The following PHAX variants were observed in gnomAD, a reference collection of about 807,000 sequenced individuals.
The protein encoded by PHAX is phosphorylated adaptor for RNA export, also known as phosphorylated adapter RNA export protein.
Under a neutral mutation model 41.6 loss-of-function variants are expected in PHAX, and 31 were observed. The ratio of observed to expected loss-of-function variants is 0.75; its 90% CI spans 0.56 to 1.01. The LOEUF (loss-of-function observed/expected upper bound fraction) is 1.01, where lower values mean the gene tolerates loss of function less well. PHAX is among the 50% of genes least tolerant of loss of function. The pLI is 0.00. For missense variants in PHAX, 453 were observed against 472.9 expected, an observed-to-expected ratio of 0.96 and a Z score of 0.39; for synonymous variants, 175 against 164.9, an observed-to-expected ratio of 1.06 and a Z score of -0.47.
chr5:126,603,016 A>T lies in PHAX; in HGVS notation c.97-554A>T, dbSNP rs1420421610. Among the ~76,000 whole-genome samples, 12 of 151,208 alleles carry T rather than the reference A, an allele frequency of 7.9e-5. No individual in the cohort carries two copies. The East Asian group carries it at 2.1e-3, about 27-fold the overall frequency. ...CAAGACTCCCATCTCAAGAAAAAAA[A>T]AAAAAATACATGCCCAGCCTGGGCA... On this transcript the variant is annotated intron_variant, in intron 1 of 4. Transcript: ENST00000297540.
chr5:126,619,406 C>T (rs546097460), intron 4 of PHAX, among the ~76,000 whole-genome samples: 20 of 151,908 alleles, frequency 1.3e-4, no homozygotes, highest in Admixed American at 2.6e-4. Flanking sequence ...GGTGAAACCC[C>T]GACCCTACTC....
At chr5:126,621,255 C>T (rs375044647) in intron 4 of PHAX, among the ~76,000 whole-genome samples, 17 of 152,154 alleles carry the variant, frequency 1.1e-4, no homozygotes, top group African/African-American at 3.6e-4. Context: ...ATGGCACTAT[C>T]GTAGCTCACT....
Position 126,626,577 on chromosome 5 carries a change from A to T in PHAX, c.*1733A>T, listed in dbSNP as rs1018754067. 5 of 152,160 alleles carry T rather than the reference A, an allele frequency of 3.3e-5. No homozygotes were observed. Among genetic ancestry groups the T allele is most frequent in the African/African-American group, 1.2e-4 (5 of 41,396 alleles). The allele number at this position is 152,160 out of a possible 1,614,324, so 9.4% of individuals were successfully genotyped here. On this transcript the variant is annotated 3_prime_UTR_variant, in exon 5 of 5. Coordinates refer to ENST00000297540, the MANE Select transcript of PHAX (RefSeq NM_032177.4). ...CATGGTGAAACCCTGTCTCTATTAA[A>T]AATACAAAAATTAGCTGGGCGTGGT... is the stretch of plus-strand genomic sequence containing the variant.
chr5:126,623,484 A>T (rs1186956539), intron 4 of PHAX, among the ~76,000 whole-genome samples: 1 of 152,202 alleles, frequency 6.6e-6, no homozygotes, highest in Non-Finnish European at 1.5e-5. Flanking sequence ...CCTGGTACGT[A>T]AAAGTACTCA....
chr5:126,604,210 C>G, intron 2 of PHAX, 27 bp downstream of exon 2: 1 of 1,502,072 alleles, frequency 6.7e-7, no homozygotes. Context: ...CAAATAAGTA[C>G]TTGACCAGAT....
chr5:126,621,060 G>C (rs1008596815), intron 4 of PHAX, among the ~76,000 whole-genome samples: 1 of 151,774 alleles, frequency 6.6e-6, no homozygotes, highest in Admixed American at 6.6e-5. Flanking sequence ...AAAAAGAGAC[G>C]GTTTCACTCT....
At position 126,603,807 on chromosome 5, in the gene PHAX, A is replaced by G; in HGVS notation, c.334A>G (p.Lys112Glu). 1 of 1,614,154 alleles carries G rather than the reference A, an allele frequency of 6.2e-7. No homozygotes were observed. Among genetic ancestry groups the G allele is most frequent in the Non-Finnish European group, 8.5e-7 (1 of 1,180,024 alleles). Residue 112 changes from lysine to glutamate, a missense_variant, in exon 2 of 5, where the codon AAG becomes GAG. Lys to Glu is a moderately conservative substitution (Grantham distance 56, BLOSUM62 1). Coordinates refer to ENST00000297540, the MANE Select transcript of PHAX (RefSeq NM_032177.4). ...TCAGAAACCACCTGTTGCTGGAGGA[A>G]AGAAGATTAACAACATATGGGGTGC... ...SSQKPPVAGG[K>E]KINNIWGAVL... is the part of the protein sequence containing the mutation.
chr5:126,622,379 G>T (rs560746072), intron 4 of PHAX, among the ~76,000 whole-genome samples: 15 of 148,766 alleles, frequency 1.0e-4, no homozygotes, highest in East Asian at 2.0e-4. Flanking sequence ...TGATCCGCCC[G>T]CCTCAGCCTC....
At chr5:126,606,103 G>C (rs907304514) in intron 2 of PHAX, among the ~76,000 whole-genome samples, 2 of 152,110 alleles carry the variant, frequency 1.3e-5, no homozygotes, top group African/African-American at 4.8e-5. Context: ...GTGTCATGTA[G>C]TATGTAATCT....
At chr5:126,609,132 G>A (rs1254351679) in intron 3 of PHAX, among the ~76,000 whole-genome samples, 8 of 104,034 alleles carry the variant, frequency 7.7e-5, no homozygotes, top group Non-Finnish European at 1.7e-5. Context: ...AAGGAGTCTC[G>A]CTCTGTCGCC....
chr5:126,620,384 C>G (rs1014861238), intron 4 of PHAX, among the ~76,000 whole-genome samples: 5 of 152,198 alleles, frequency 3.3e-5, no homozygotes, highest in African/African-American at 1.2e-4. Context: ...ATAATATTCT[C>G]AGGCAGGAGA....
In PHAX at chr5:126,624,471, AT is replaced by A. The variant is rs577858599; in HGVS notation, c.916-98del. ...TAATAATGAGCCTAATAATACTTGT[AT>A]TTTTTGTAAGAAATGGAGATAATGA... On this transcript the variant is annotated intron_variant, in intron 4 of 4. Transcript: ENST00000297540. The A allele has an allele frequency of 3.4e-4, 313 of 926,942 alleles. 1 individual carries two copies. In the African/African-American group the frequency reaches 4.9e-3, roughly 15 times the overall value. 57.4% of individuals were successfully genotyped at this position (926,942 alleles called of 1,614,324 possible).
chr5:126,616,511 C>T (rs1752185751), intron 3 of PHAX, among the ~76,000 whole-genome samples: 1 of 152,092 alleles, frequency 6.6e-6, no homozygotes, highest in African/African-American at 2.4e-5. Context: ...TATTTTGCTT[C>T]ACTGATCATT....
chr5:126,619,186 G>A (rs987346152), intron 4 of PHAX, among the ~76,000 whole-genome samples: 5 of 152,080 alleles, frequency 3.3e-5, no homozygotes, highest in East Asian at 1.9e-4. Flanking sequence ...CTTGGCCTCC[G>A]AAAGTGCTGG....
intron 1 of PHAX, among the ~76,000 whole-genome samples, chr5:126,602,166 TG>T (rs1350679722): frequency 6.8e-6 from 1 of 146,894 alleles, no homozygotes; most frequent in Non-Finnish European, 1.5e-5. Context: ...AGGCTGGTCT[TG>T]AACTTCCGAC....
chr5:126,601,484 T>TA (rs1751902588), intron 1 of PHAX, among the ~76,000 whole-genome samples: 1 of 152,182 alleles, frequency 6.6e-6, no homozygotes, highest in South Asian at 2.1e-4. Context: ...TTTTGCCAAA[T>TA]ATGTAGCATC....
chr5:126,624,745 G>GGCCT lies in PHAX; in HGVS notation c.1087_1090dup (p.Ser364CysfsTer4). 2 of 1,614,166 alleles carry GGCCT rather than the reference G, an allele frequency of 1.2e-6. No homozygotes were observed. The highest frequency in any genetic ancestry group is 1.7e-6 in the Non-Finnish European group (2 of 1,180,018). ...TTGCAAGTGACACGAATGAGGCCTT[G>GGCCT]GCCTCTCTTGATGAGTCACAGGAAG... On this transcript the variant is annotated frameshift_variant, in exon 5 of 5. Coordinates refer to ENST00000297540, the MANE Select transcript of PHAX (RefSeq NM_032177.4). LOFTEE classifies it high-confidence loss of function.
chr5:126,603,411 T>C (rs1751934625), intron 1 of PHAX, 159 bp from the exon 2 acceptor site: 1 of 758,092 alleles, frequency 1.3e-6, no homozygotes, highest in Non-Finnish European at 2.1e-6. Flanking sequence ...GCAAATTCCA[T>C]GTGGAACTTA....
chr5:126,616,244 T>C (rs895128151), intron 3 of PHAX, among the ~76,000 whole-genome samples: 4 of 152,084 alleles, frequency 2.6e-5, no homozygotes, highest in African/African-American at 9.7e-5. Flanking sequence ...AGATATGTGC[T>C]ACCATGCCCA....
Sources: gnomAD v4.1 joint callset for allele counts (sites outside exome capture counted in the v4.1 genomes callset) on GRCh38, gnomAD v4.1.1 for gene constraint, MANE v1.5 for transcripts, NCBI Gene and HGNC (gene_info 2026-07-23, HGNC 2026-07-21) for gene names.